Variants in ANO4 observed in about 807,000 individuals in gnomAD.
The protein encoded by ANO4 is anoctamin-4.
In ANO4, 69 loss-of-function variants were observed where a neutral mutation model predicts 141.9. That is an observed-to-expected ratio of 0.49 (90% CI 0.40 to 0.59). ANO4 has a LOEUF of 0.59. Ranked by LOEUF, ANO4 falls within the 20% of genes least tolerant of loss-of-function variation. The probability of loss-of-function intolerance (pLI) is 0.00; values close to 1 mark genes in which losing one functional copy is unlikely to be tolerated. For synonymous variants in ANO4, 350 were observed against 394.3 expected, an observed-to-expected ratio of 0.89 and a Z score of 1.33; for missense variants, 894 against 1,162.2, an observed-to-expected ratio of 0.77 and a Z score of 3.36.
At chr12:100,938,277 C>A (rs919980907) in intron 3 of ANO4, among the ~76,000 whole-genome samples, 10 of 152,198 alleles carry the variant, frequency 6.6e-5, no homozygotes, top group African/African-American at 2.4e-4. Flanking sequence ...TCTTTGTTTT[C>A]TTCAGTTATT....
At chr12:101,065,918 C>A (rs115693497) in intron 14 of ANO4, among the ~76,000 whole-genome samples, 1 of 152,092 alleles carries the variant, frequency 6.6e-6, no homozygotes, top group African/African-American at 2.4e-5. Flanking sequence ...TCATTATAAC[C>A]AGGTGGGATT....
intron 3 of ANO4, among the ~76,000 whole-genome samples, chr12:100,765,772 A>G (rs940935691): frequency 6.6e-6 from 1 of 150,958 alleles, no homozygotes; most frequent in African/African-American, 2.4e-5. Context: ...ATAATTATGT[A>G]TATTTATGGG....
intron 3 of ANO4, among the ~76,000 whole-genome samples, chr12:100,785,272 C>T (rs571736922): frequency 6.6e-6 from 1 of 152,206 alleles, no homozygotes; most frequent in South Asian, 2.1e-4. Context: ...CATAGTTTAC[C>T]TTAGGGCTCA....
intron 4 of ANO4, among the ~76,000 whole-genome samples, chr12:100,939,677 A>AT (rs1461789844): frequency 6.6e-6 from 1 of 152,090 alleles, no homozygotes; most frequent in Non-Finnish European, 1.5e-5. Flanking sequence ...TAAACCTATC[A>AT]TTTTTTTAAA....
At chr12:101,109,565 A>C (rs1172943148) in intron 22 of ANO4, among the ~76,000 whole-genome samples, 8 of 152,186 alleles carry the variant, frequency 5.3e-5, no homozygotes, top group African/African-American at 1.9e-4. Context: ...TGTCTCAAAA[A>C]AAAACAAAAA....
intron 1 of ANO4, among the ~76,000 whole-genome samples, chr12:100,812,978 C>A (rs138756064): frequency 6.6e-6 from 1 of 152,180 alleles, no homozygotes. Flanking sequence ...GCAATCTTTC[C>A]TGTGTATTGT....
At chr12:101,076,880 A>G (rs2049043748) in intron 14 of ANO4, among the ~76,000 whole-genome samples, 1 of 152,204 alleles carries the variant, frequency 6.6e-6, no homozygotes, top group Admixed American at 6.5e-5. Flanking sequence ...GAAATATCCC[A>G]GGGACTCTGT....
chr12:100,880,299 A>G (rs1281315283), intron 1 of ANO4, among the ~76,000 whole-genome samples: 1 of 152,186 alleles, frequency 6.6e-6, no homozygotes, highest in Non-Finnish European at 1.5e-5. Flanking sequence ...CAGTGGTAGT[A>G]ATAGCAATGG....
intron 1 of ANO4, among the ~76,000 whole-genome samples, chr12:100,812,104 A>G (rs541428415): frequency 1.6e-4 from 25 of 152,126 alleles, no homozygotes; most frequent in Non-Finnish European, 3.1e-4. Context: ...ACTTTGAATC[A>G]TGAATCGTTC....
chr12:100,719,621 T>G (rs1206070309), intron 1 of ANO4, among the ~76,000 whole-genome samples: 1 of 152,220 alleles, frequency 6.6e-6, no homozygotes, highest in Non-Finnish European at 1.5e-5. Context: ...AATAAATGCT[T>G]TATTCTTATC....
intron 22 of ANO4, among the ~76,000 whole-genome samples, chr12:101,100,240 A>C (rs572750832): frequency 1.1e-4 from 16 of 152,264 alleles, no homozygotes; most frequent in African/African-American, 3.9e-4. Flanking sequence ...AATATCTTAG[A>C]TAAATTAAGT....
chr12:100,900,373 A>T (rs2040535555), intron 1 of ANO4, among the ~76,000 whole-genome samples: 1 of 152,010 alleles, frequency 6.6e-6, no homozygotes, highest in Non-Finnish European at 1.5e-5. Flanking sequence ...TTACATATGT[A>T]TACATGTGCC....
At chr12:101,121,180 C>T (rs2051075757) in intron 26 of ANO4, among the ~76,000 whole-genome samples, 1 of 152,046 alleles carries the variant, frequency 6.6e-6, no homozygotes, top group South Asian at 2.1e-4. Context: ...ACCCAGGTAG[C>T]GAGCATAGTA....
At position 100,987,557 on chromosome 12, in the gene ANO4, C is replaced by T. The variant is rs747174294; in HGVS notation, c.621C>T (p.Ser207=). ...ACCACAGGATCGATAAACAAATAAG[C>T]AGGTTTCGGAGATGGTTACCTAAGA... ...KFMSRIDKQI[S]RFRRWLPKKP... is the part of the protein sequence containing the mutation. The change falls in exon 8 of 28, where the codon AGC becomes AGT. Residue 207 remains serine, a synonymous_variant. Coordinates refer to ENST00000392977, the MANE Select transcript of ANO4 (RefSeq NM_001286615.2). The T allele has an allele frequency of 1.4e-5, 23 of 1,613,748 alleles. No homozygotes were observed. The highest frequency in any genetic ancestry group is 1.4e-5 in the Non-Finnish European group (16 of 1,179,886).
At chr12:100,758,197 A>G (rs1033810969) in intron 3 of ANO4, among the ~76,000 whole-genome samples, 5 of 152,160 alleles carry the variant, frequency 3.3e-5, no homozygotes, top group Admixed American at 3.3e-4. Flanking sequence ...CCCCAGAGTC[A>G]CCTGCCCGCG....
At chr12:100,914,816 T>G (rs1033708750) in intron 2 of ANO4, among the ~76,000 whole-genome samples, 2 of 151,936 alleles carry the variant, frequency 1.3e-5, no homozygotes, top group Non-Finnish European at 2.9e-5. Flanking sequence ...CCTCCCTTCT[T>G]TTTTATTTTT....
intron 1 of ANO4, among the ~76,000 whole-genome samples, chr12:100,865,770 G>T (rs1199581339): frequency 6.6e-6 from 1 of 152,194 alleles, no homozygotes; most frequent in Non-Finnish European, 1.5e-5. Context: ...GGGACTATTT[G>T]CAAAGGTGTG....
chr12:100,721,835 T>C (rs2030879981), intron 1 of ANO4, among the ~76,000 whole-genome samples: 1 of 151,568 alleles, frequency 6.6e-6, no homozygotes, highest in Non-Finnish European at 1.5e-5. Flanking sequence ...TGGGTCACCA[T>C]GCCAGGCTAA....
chr12:100,919,382 C>T lies in ANO4; in HGVS notation c.56-2844C>T, dbSNP rs548029527. Among the ~76,000 whole-genome samples, 44 of 152,136 alleles carry T rather than the reference C, an allele frequency of 2.9e-4. No homozygotes were observed. In the South Asian group the frequency reaches 5.2e-3, roughly 18 times the overall value. ...ATGGTAAATGCCCTATACAGAGAGA[C>T]CATTTTTTATCTTTTATACTCGATT... On this transcript the variant is annotated intron_variant, in intron 2 of 27. Coordinates refer to ENST00000392977, the MANE Select transcript of ANO4 (RefSeq NM_001286615.2).
Sources: allele counts gnomAD v4.1 joint callset (sites outside exome capture counted in the v4.1 genomes callset), GRCh38; gene constraint gnomAD v4.1.1; transcripts MANE v1.5; gene names NCBI Gene and HGNC (gene_info 2026-07-23, HGNC 2026-07-21).